The following NPAS3 variants were observed in gnomAD, a reference collection of about 807,000 sequenced individuals.
The protein encoded by NPAS3 is neuronal PAS domain-containing protein 3.
In NPAS3, 14 loss-of-function variants were observed where a neutral mutation model predicts 73.1. The observed-to-expected ratio is 0.19, with a 90% CI of 0.13 to 0.30. The LOEUF is 0.30. NPAS3 is among the 10% of genes least tolerant of loss of function. The probability of loss-of-function intolerance (pLI) is 1.00; values close to 1 mark genes in which losing one functional copy is unlikely to be tolerated. For missense variants in NPAS3, 1,096 were observed against 1,250.0 expected (o/e 0.88, Z 1.86); for synonymous variants, 620 against 541.5 (o/e 1.14, Z -2.01).
chr14:33,525,226 C>T (rs772729964), intron 4 of NPAS3, among the ~76,000 whole-genome samples: 9 of 152,130 alleles, frequency 5.9e-5, no homozygotes, highest in African/African-American at 2.2e-4. Context: ...TCATGAGAAT[C>T]TCAAAGATTA....
At chr14:33,613,890 C>T (rs748344526) in intron 5 of NPAS3, among the ~76,000 whole-genome samples, 1 of 152,166 alleles carries the variant, frequency 6.6e-6, no homozygotes, top group African/African-American at 2.4e-5. Context: ...CCTTCTCCCC[C>T]CTCTTATAGG....
intron 3 of NPAS3, among the ~76,000 whole-genome samples, chr14:33,230,140 G>A (rs1373279205): frequency 6.6e-6 from 1 of 152,156 alleles, no homozygotes; most frequent in African/African-American, 2.4e-5. Flanking sequence ...AGCATTTTGA[G>A]GAAATAAACT....
intron 3 of NPAS3, among the ~76,000 whole-genome samples, chr14:33,247,289 T>C (rs1178148415): frequency 6.6e-6 from 1 of 152,216 alleles, no homozygotes; most frequent in Non-Finnish European, 1.5e-5. Context: ...GATTTTCTGA[T>C]TTTGACTCTT....
chr14:33,199,000 G>A (rs1268551595), intron 2 of NPAS3, among the ~76,000 whole-genome samples: 5 of 152,174 alleles, frequency 3.3e-5, no homozygotes, highest in African/African-American at 9.6e-5. Flanking sequence ...CACACTGTCC[G>A]TGGCCGGCGG....
At position 33,700,665 on chromosome 14, in the gene NPAS3, G is replaced by T. The variant is rs373374945; in HGVS notation, c.733+24280G>T. Among the ~76,000 whole-genome samples, 5 of 152,294 alleles carry T rather than the reference G, an allele frequency of 3.3e-5. No individual in the cohort carries two copies. In the South Asian group the frequency reaches 6.2e-4, roughly 19 times the overall value. On this transcript the variant is annotated intron_variant, in intron 6 of 11. Transcript: ENST00000356141. ...CACAAATGGAGGTAAAGGCTGAAAA[G>T]CTTATCCTATAGCAGTGAGGATGTT...
chr14:32,979,790 T>G (rs1047898376), intron 1 of NPAS3, among the ~76,000 whole-genome samples: 1 of 152,334 alleles, frequency 6.6e-6, no homozygotes, highest in East Asian at 1.9e-4. Flanking sequence ...AAATACTGAA[T>G]TCTGTATTTC....
chr14:33,182,021 A>C (rs979802132), intron 2 of NPAS3, among the ~76,000 whole-genome samples: 6 of 152,154 alleles, frequency 3.9e-5, no homozygotes, highest in African/African-American at 1.4e-4. Flanking sequence ...CAAGTATTAT[A>C]GTATAGTACA....
At chr14:33,798,415 A>G (rs1270027966) in intron 11 of NPAS3, among the ~76,000 whole-genome samples, 1 of 151,990 alleles carries the variant, frequency 6.6e-6, no homozygotes, top group Non-Finnish European at 1.5e-5. Flanking sequence ...TTTTAACCCT[A>G]CCTCTTCTGC....
At chr14:33,448,820 G>A (rs1185415616) in intron 4 of NPAS3, among the ~76,000 whole-genome samples, 2 of 152,190 alleles carry the variant, frequency 1.3e-5, no homozygotes, top group Admixed American at 1.3e-4. Context: ...AAAAATAGCA[G>A]CATACAAGCA....
At chr14:33,365,410 A>G (rs1220968907) in intron 3 of NPAS3, among the ~76,000 whole-genome samples, 1 of 152,114 alleles carries the variant, frequency 6.6e-6, no homozygotes, top group African/African-American at 2.4e-5. Context: ...CCACATACAC[A>G]CAGTAGTACT....
chr14:33,558,220 C>T (rs1401555140), intron 4 of NPAS3, among the ~76,000 whole-genome samples: 2 of 152,038 alleles, frequency 1.3e-5, no homozygotes, highest in African/African-American at 4.8e-5. Flanking sequence ...TCCACAGTTT[C>T]TGACCAGTGG....
chr14:33,276,285 A>G (rs1052306073), intron 3 of NPAS3, among the ~76,000 whole-genome samples: 2 of 152,108 alleles, frequency 1.3e-5, no homozygotes, highest in Admixed American at 1.3e-4. Flanking sequence ...GAATGAATGC[A>G]GTTAACACAG....
At chr14:33,197,372 T>G (rs901211734) in intron 2 of NPAS3, among the ~76,000 whole-genome samples, 2 of 152,028 alleles carry the variant, frequency 1.3e-5, no homozygotes, top group Non-Finnish European at 2.9e-5. Flanking sequence ...CCACCTGCTG[T>G]GAGTGAAATT....
intron 1 of NPAS3, among the ~76,000 whole-genome samples, chr14:32,945,110 C>A (rs1020053892): frequency 6.6e-6 from 1 of 152,010 alleles, no homozygotes; most frequent in Non-Finnish European, 1.5e-5. Flanking sequence ...CAGAAGATAC[C>A]CTTTTCTAAA....
At chr14:33,401,778 C>T (rs2047455423) in intron 4 of NPAS3, among the ~76,000 whole-genome samples, 1 of 151,994 alleles carries the variant, frequency 6.6e-6, no homozygotes, top group Non-Finnish European at 1.5e-5. Flanking sequence ...CTGGAAACAC[C>T]ACCCAGTACA....
intron 2 of NPAS3, among the ~76,000 whole-genome samples, chr14:33,192,081 C>T (rs1162337399): frequency 6.6e-6 from 1 of 152,112 alleles, no homozygotes; most frequent in Middle Eastern, 3.2e-3. Flanking sequence ...GGTAGTTGAG[C>T]ATGAGAACTT....
intron 3 of NPAS3, among the ~76,000 whole-genome samples, chr14:33,311,491 GT>G (rs1033903801): frequency 2.6e-5 from 4 of 151,848 alleles, no homozygotes; most frequent in African/African-American, 4.8e-5. Context: ...GGTGCAATAG[GT>G]TTTTTTTCTT....
intron 7 of NPAS3, among the ~76,000 whole-genome samples, chr14:33,747,059 A>T (rs2061828033): frequency 6.6e-6 from 1 of 152,072 alleles, no homozygotes; most frequent in Non-Finnish European, 1.5e-5. Flanking sequence ...AACTAGAAAT[A>T]CCATTTGACC....
At chr14:33,531,798 C>T (rs1218268642) in intron 4 of NPAS3, among the ~76,000 whole-genome samples, 1 of 152,116 alleles carries the variant, frequency 6.6e-6, no homozygotes, top group Admixed American at 6.6e-5. Flanking sequence ...GCGTTCCCAT[C>T]AAGTGTTATT....
Sources: gnomAD v4.1 joint callset for allele counts (sites outside exome capture counted in the v4.1 genomes callset) on GRCh38, gnomAD v4.1.1 for gene constraint, MANE v1.5 for transcripts, NCBI Gene and HGNC (gene_info 2026-07-23, HGNC 2026-07-21) for gene names.